RANBP17: variants seen among roughly 807,000 people sequenced by gnomAD.
The protein encoded by RANBP17 is RAN binding protein 17, also known as ran-binding protein 17.
In RANBP17, 158 loss-of-function variants were observed where a neutral mutation model predicts 141.2. That is an observed-to-expected ratio of 1.12 (90% CI 0.98 to 1.28). The LOEUF (loss-of-function observed/expected upper bound fraction) is 1.28, where lower values mean the gene tolerates loss of function less well. Ranked by LOEUF, RANBP17 falls within the 50% of genes most tolerant of loss-of-function variation. The pLI, the probability that RANBP17 is intolerant of heterozygous loss-of-function variation, is 0.00. For synonymous variants in RANBP17, 430 were observed against 450.0 expected, an observed-to-expected ratio of 0.96 and a Z score of 0.56; for missense variants, 1,438 against 1,290.7, an observed-to-expected ratio of 1.11 and a Z score of -1.75.
At chr5:171,039,663 A>G (rs1374608582) in intron 14 of RANBP17, among the ~76,000 whole-genome samples, 2 of 152,258 alleles carry the variant, frequency 1.3e-5, no homozygotes, top group East Asian at 1.9e-4. Flanking sequence ...GAAGATCCAA[A>G]TAAGTACAAT....
At chr5:171,156,791 T>C (rs903098095) in intron 14 of RANBP17, among the ~76,000 whole-genome samples, 4 of 152,134 alleles carry the variant, frequency 2.6e-5, no homozygotes, top group Non-Finnish European at 5.9e-5. Context: ...AAAAAAAGTC[T>C]TTTTTTAAAG....
intron 14 of RANBP17, among the ~76,000 whole-genome samples, chr5:171,060,957 G>T (rs1453890237): frequency 6.5e-5 from 5 of 76,468 alleles, no homozygotes; most frequent in African/African-American, 1.4e-4. Flanking sequence ...GCGTAGAGGT[G>T]TTTAGTATTC....
chr5:170,863,559 A>G (rs1766996181), intron 1 of RANBP17: 1 of 152,220 alleles, frequency 6.6e-6, no homozygotes, highest in African/African-American at 2.4e-5. Context: ...ATAATGTATT[A>G]CCACTTTAGT....
In RANBP17 at chr5:171,169,318, G is replaced by A. The variant is rs149652362; in HGVS notation, c.1711-812G>A. Among the ~76,000 whole-genome samples the A allele has an allele frequency of 2.6e-5, 4 of 152,246 alleles. 1 individual carries two copies. Among genetic ancestry groups the A allele is most frequent in the African/African-American group, 9.6e-5 (4 of 41,550 alleles). Reference sequence around the variant, plus strand: ...ATCCCATACAGCTGGTGACTGGCAGGGATAACCTGGAATCACACCAGAGCA... The same window carrying A: ...ATCCCATACAGCTGGTGACTGGCAGAGATAACCTGGAATCACACCAGAGCA... On this transcript the variant is annotated intron_variant, in intron 14 of 27. Transcript: ENST00000523189.
At chr5:170,889,175 C>T (rs899335518) in intron 3 of RANBP17, among the ~76,000 whole-genome samples, 2 of 151,652 alleles carry the variant, frequency 1.3e-5, no homozygotes, top group Non-Finnish European at 2.9e-5. Flanking sequence ...TAAGTTAACT[C>T]TCTAGACATA....
chr5:171,172,804 G>A (rs917344191), intron 16 of RANBP17, among the ~76,000 whole-genome samples: 1 of 151,336 alleles, frequency 6.6e-6, no homozygotes, highest in African/African-American at 2.4e-5. Flanking sequence ...TAATTTATTT[G>A]TATCTGCTAT....
At chr5:171,017,009 T>C (rs1334016694) in intron 14 of RANBP17, among the ~76,000 whole-genome samples, 4 of 151,644 alleles carry the variant, frequency 2.6e-5, no homozygotes. Flanking sequence ...CGGTGTTTGG[T>C]TTTCTGTTCC....
intron 14 of RANBP17, among the ~76,000 whole-genome samples, chr5:171,122,909 C>T (rs762189304): frequency 2.0e-5 from 3 of 152,188 alleles, no homozygotes; most frequent in Admixed American, 6.5e-5. Context: ...CCCATGTCCA[C>T]TCAGAGGGCT....
At chr5:170,907,253 C>G (rs1370746883) in intron 5 of RANBP17, among the ~76,000 whole-genome samples, 2 of 151,788 alleles carry the variant, frequency 1.3e-5, no homozygotes, top group African/African-American at 4.8e-5. Context: ...AGTAAAATAT[C>G]CTGTGCCTCC....
intron 14 of RANBP17, among the ~76,000 whole-genome samples, chr5:171,073,813 T>C (rs1784760103): frequency 6.6e-6 from 1 of 151,166 alleles, no homozygotes; most frequent in Non-Finnish European, 1.5e-5. Context: ...GAGTATCTTA[T>C]GGGGTCAGAA....
At chr5:171,147,381 G>GTGTGTGTGTGTGTGT (rs1554105338) in intron 14 of RANBP17, among the ~76,000 whole-genome samples, 1 of 130,966 alleles carries the variant, frequency 7.6e-6, no homozygotes, top group Non-Finnish European at 1.6e-5. Flanking sequence ...GTGTGTGTGT[G>GTGTGTGTGTGTGTGT]GTTGTTTGTT....
intron 21 of RANBP17, among the ~76,000 whole-genome samples, chr5:171,220,993 A>G (rs774584706): frequency 1.1e-4 from 17 of 152,202 alleles, no homozygotes; most frequent in Non-Finnish European, 1.9e-4. Flanking sequence ...TATTCTTGGT[A>G]AACAGGTCTT....
intron 14 of RANBP17, among the ~76,000 whole-genome samples, chr5:171,142,901 C>T (rs1286544513): frequency 6.6e-6 from 1 of 152,124 alleles, no homozygotes; most frequent in Non-Finnish European, 1.5e-5. Context: ...AGTACAGAGG[C>T]ACATGAAAAT....
chr5:171,268,517 A>G (rs1766884305), intron 25 of RANBP17, among the ~76,000 whole-genome samples: 1 of 152,130 alleles, frequency 6.6e-6, no homozygotes, highest in South Asian at 2.1e-4. Context: ...TATACATGCT[A>G]TCAAAATGTC....
rs201803240 is a variant in RANBP17 at position 171,265,714 on chromosome 5, T to G, written c.2810T>G (p.Leu937Ter). The G allele has an allele frequency of 9.3e-6, 15 of 1,613,966 alleles. No homozygotes were observed. Among genetic ancestry groups the G allele is most frequent in the Non-Finnish European group, 1.3e-5 (15 of 1,180,010 alleles). The stretch of plus-strand genomic sequence containing the variant: ...GTCTCCTCCAGCTGCTGTACCAGTT[T>G]AGACTACATCGTCACCTACCTCTTC... ...TVVSSSCCTSLDYIVTYLFKH... is the reference protein window; with the variant it reads ...TVVSSSCCTS The change falls in exon 25 of 28, where the codon TTA becomes TGA. Residue 937 changes from leucine (L) to a stop codon, truncating the protein, a stop_gained. Coordinates refer to ENST00000523189, the MANE Select transcript of RANBP17 (RefSeq NM_022897.5). LOFTEE classifies it high-confidence loss of function.
intron 14 of RANBP17, among the ~76,000 whole-genome samples, chr5:171,081,078 T>C (rs1380988273): frequency 1.3e-5 from 2 of 152,190 alleles, no homozygotes; most frequent in Admixed American, 1.3e-4. Flanking sequence ...TCTAAGTTCG[T>C]CTGACTAGTG....
intron 1 of RANBP17, among the ~76,000 whole-genome samples, chr5:170,871,115 C>A (rs1415458166): frequency 1.3e-5 from 2 of 152,138 alleles, no homozygotes; most frequent in African/African-American, 2.4e-5. Flanking sequence ...ATGGCACAAT[C>A]TTGGCTCATT....
intron 14 of RANBP17, among the ~76,000 whole-genome samples, chr5:171,064,971 A>C (rs1784211335): frequency 6.6e-6 from 1 of 152,010 alleles, no homozygotes; most frequent in South Asian, 2.1e-4. Context: ...TGATTTTGTT[A>C]ATGAGTTTTC....
Position 171,199,655 on chromosome 5 carries a change from T to C in RANBP17, c.2039-15T>C. On this transcript the variant is annotated splice_polypyrimidine_tract_variant and intron_variant, in intron 18 of 27. Transcript: ENST00000523189. Reference sequence around the variant, plus strand: ...TGCATTTTAAACCGTAGTGACCCTTTTGTTTCTCTGATAGGTGAAGATGAG... The same window carrying C: ...TGCATTTTAAACCGTAGTGACCCTTCTGTTTCTCTGATAGGTGAAGATGAG... 1.9e-6 allele frequency: 3 copies of C among 1,551,908 alleles called. No homozygotes were observed. The highest frequency in any genetic ancestry group is 2.2e-5 in the East Asian group (1 of 44,474).
Sources: allele counts gnomAD v4.1 joint callset (sites outside exome capture counted in the v4.1 genomes callset), GRCh38; gene constraint gnomAD v4.1.1; transcripts MANE v1.5; gene names NCBI Gene and HGNC (gene_info 2026-07-23, HGNC 2026-07-21).